IFT46: variants seen among roughly 807,000 people sequenced by gnomAD.
IFT46 encodes intraflagellar transport protein 46 homolog.
IFT46 carries 19 observed loss-of-function variants against 39.6 expected under a neutral mutation model. The ratio of observed to expected loss-of-function variants is 0.48; its 90% CI spans 0.33 to 0.70. The LOEUF (loss-of-function observed/expected upper bound fraction) is 0.70, where lower values mean the gene tolerates loss of function less well. IFT46 is among the 30% of genes least tolerant of loss of function. The pLI is 0.01. For synonymous variants in IFT46, 117 were observed against 134.8 expected (o/e 0.87, Z 0.91); for missense variants, 334 against 364.8 (o/e 0.92, Z 0.69).
Position 118,544,939 on chromosome 11 carries a change from T to C in IFT46, c.892A>G (p.Met298Val). Reference sequence around the variant, plus strand: ...TCTCAGCTGAAGGTTAATGTCTCCATGTCTCCAGCTTGGGAGGTGGAATTG... The same window carrying C: ...TCTCAGCTGAAGGTTAATGTCTCCACGTCTCCAGCTTGGGAGGTGGAATTG... ...SSNSTSQAGD[M>V]ETLTFS is the part of the protein sequence containing the mutation. The change falls in exon 12 of 12, where the codon ATG (methionine) becomes GTG (valine). Residue 298 changes from methionine (M) to valine (V), a missense_variant. Coordinates refer to ENST00000264021, the MANE Select transcript of IFT46 (RefSeq NM_001168618.2). 6.2e-7 allele frequency: 1 copy of C among 1,613,404 alleles called. No homozygotes were observed. The highest frequency in any genetic ancestry group is 1.3e-5 in the African/African-American group (1 of 75,036).
chr11:118,546,503 A>G lies in IFT46; in HGVS notation c.673-650T>C, dbSNP rs557346261. On this transcript the variant is annotated intron_variant, in intron 9 of 11. Transcript: ENST00000264021. The stretch of plus-strand genomic sequence containing the variant: ...ATACCCTGTAAAAAAAAAGGAAGGA[A>G]GGGAGGGAGGGAATCAACCATGCCA... The G allele has an allele frequency of 2.3e-5, 5 of 219,728 alleles. No individual in the cohort carries two copies. In the East Asian group the frequency reaches 5.0e-4, roughly 22 times the overall value. The allele number at this position is 219,728 out of a possible 1,614,324, so 13.6% of individuals were successfully genotyped here. A position where few individuals can be genotyped will look rare whatever the true frequency, so the allele number is the denominator to read the frequency against.
chr11:118,554,917 G>A (rs1417525801), intron 6 of IFT46, 73 bp downstream of exon 6: 4 of 1,130,568 alleles, frequency 3.5e-6, no homozygotes, highest in Non-Finnish European at 5.3e-6. Context: ...AAGAAATTAG[G>A]GAAACTGTTA....
intron 9 of IFT46, among the ~76,000 whole-genome samples, chr11:118,550,588 C>T (rs1951785738): frequency 6.6e-6 from 1 of 152,160 alleles, no homozygotes; most frequent in Non-Finnish European, 1.5e-5. Context: ...TATAGGACTA[C>T]AGGCATGAGC....
At chr11:118,574,932 T>G (rs1328983303), upstream of IFT46, among the ~76,000 whole-genome samples, 2 of 151,894 alleles carry the variant, frequency 1.3e-5, no homozygotes, top group Non-Finnish European at 2.9e-5. Context: ...TGATTTGATC[T>G]TTTTTTTGTA....
chr11:118,559,846 T>C lies in IFT46; in HGVS notation c.-17A>G. ...ATCAGCCATAGCCTTGTTAGGAAGA[T>C]GGGCAGAACGAGGAAGTCCTTAGAA... is the stretch of plus-strand genomic sequence containing the variant. On this transcript the variant is annotated 5_prime_UTR_variant, in exon 3 of 12. Transcript: ENST00000264021. The C allele has an allele frequency of 1.2e-6, 2 of 1,610,802 alleles. No individual in the cohort carries two copies. Among genetic ancestry groups the C allele is most frequent in the Non-Finnish European group, 1.7e-6 (2 of 1,177,180 alleles).
intron 4 of IFT46, among the ~76,000 whole-genome samples, chr11:118,556,004 GTTA>G (rs544050468): frequency 1.9e-3 from 294 of 152,178 alleles, no homozygotes; most frequent in African/African-American, 6.2e-3. Flanking sequence ...TTTTAGCAGT[GTTA>G]TTATTATTTT....
At chr11:118,545,987 A>G in intron 9 of IFT46, 134 bp from the exon 10 acceptor site, 1 of 755,654 alleles carries the variant, frequency 1.3e-6, no homozygotes, top group Non-Finnish European at 2.4e-6. Context: ...CCTAAAATTC[A>G]GATATTGAGT....
intron 6 of IFT46, 93 bp from the exon 7 acceptor site, chr11:118,554,680 A>G (rs1233089036): frequency 5.2e-6 from 7 of 1,344,428 alleles, no homozygotes; most frequent in Non-Finnish European, 6.1e-6. Context: ...TACTAGTATT[A>G]AAAGCATGCT....
At chr11:118,572,451 G>A (rs1020496326) in intron 1 of IFT46, 9 of 1,328,424 alleles carry the variant, frequency 6.8e-6, no homozygotes, top group Non-Finnish European at 9.4e-6. Context: ...TGTCAAGGGG[G>A]CAGCAGGTCC....
chr11:118,573,358 C>T (rs1156497771), upstream of IFT46, among the ~76,000 whole-genome samples: 1 of 152,050 alleles, frequency 6.6e-6, no homozygotes, highest in Non-Finnish European at 1.5e-5. Context: ...CCTCCGAGAC[C>T]AGTTACTTGC....
At chr11:118,552,120 G>A in intron 8 of IFT46, 94 bp downstream of exon 8, 1 of 1,462,048 alleles carries the variant, frequency 6.8e-7, no homozygotes, top group East Asian at 2.3e-5. Flanking sequence ...GATCAAATAT[G>A]TTCCCAGCCT....
At chr11:118,550,144 C>A (rs1951779697) in intron 9 of IFT46, among the ~76,000 whole-genome samples, 1 of 151,922 alleles carries the variant, frequency 6.6e-6, no homozygotes, top group Non-Finnish European at 1.5e-5. Context: ...GCCATGTTGG[C>A]CAGGCTGGTC....
chr11:118,556,900 C>T lies in IFT46; in HGVS notation c.185+6G>A, dbSNP rs782335713. 6 of 1,585,374 alleles carry T rather than the reference C, an allele frequency of 3.8e-6. No homozygotes were observed. Among genetic ancestry groups the T allele is most frequent in the Non-Finnish European group, 5.2e-6 (6 of 1,165,000 alleles). On this transcript the variant is annotated splice_donor_region_variant and intron_variant, in intron 4 of 11. Coordinates refer to ENST00000264021, the MANE Select transcript of IFT46 (RefSeq NM_001168618.2). ...AGCACCCTTGGCTTGGGTGTTCTTT[C>T]CTCACCCTTCCAGAGGGGCTCCATG...
At position 118,547,671 on chromosome 11, in the gene IFT46, C is replaced by T. The variant is rs529474852; in HGVS notation, c.673-1818G>A. ...TCCAGACCTCAGGTGATCCACCTGCCTCAGCCTCCCAAAGTGCTGGGATTA... is the reference window on the plus strand; with the variant it reads ...TCCAGACCTCAGGTGATCCACCTGCTTCAGCCTCCCAAAGTGCTGGGATTA... On this transcript the variant is annotated intron_variant, in intron 9 of 11. Coordinates refer to ENST00000264021, the MANE Select transcript of IFT46 (RefSeq NM_001168618.2). Among the ~76,000 whole-genome samples the T allele has an allele frequency of 2.7e-4, 41 of 152,170 alleles. 2 individuals are homozygous for T. In the South Asian group the frequency reaches 8.1e-3, roughly 30 times the overall value.
intron 2 of IFT46, among the ~76,000 whole-genome samples, chr11:118,561,801 G>A (rs1938066084): frequency 1.3e-5 from 2 of 152,180 alleles, no homozygotes; most frequent in Non-Finnish European, 2.9e-5. Context: ...ATCCGAATCA[G>A]TATGCAAAGA....
chr11:118,551,696 CAAT>C, intron 9 of IFT46, 87 bp downstream of exon 9: 1 of 862,192 alleles, frequency 1.2e-6, no homozygotes. Flanking sequence ...AAAAAGTTAC[CAAT>C]AATAATAATG....
chr11:118,561,309 T>C (rs1555070540), intron 2 of IFT46: 1 of 1,102,258 alleles, frequency 9.1e-7, no homozygotes, highest in African/African-American at 1.5e-5. Context: ...GCAGATTACA[T>C]GCACTACTTA....
chr11:118,548,176 C>T (rs183810413), intron 9 of IFT46, among the ~76,000 whole-genome samples: 9 of 150,778 alleles, frequency 6.0e-5, no homozygotes, highest in Admixed American at 2.6e-4. Flanking sequence ...AGCTACCGTG[C>T]CTGGCCCAGT....
At chr11:118,570,119 G>A (rs576892537), upstream of IFT46, among the ~76,000 whole-genome samples, 26 of 142,176 alleles carry the variant, frequency 1.8e-4, no homozygotes, top group South Asian at 4.4e-3. Context: ...GCATGATCTC[G>A]GCTCACTGCA....
Sources: allele counts gnomAD v4.1 joint callset (sites outside exome capture counted in the v4.1 genomes callset), GRCh38; gene constraint gnomAD v4.1.1; transcripts MANE v1.5; gene names NCBI Gene and HGNC (gene_info 2026-07-23, HGNC 2026-07-21).